C2orf76: variants seen among roughly 807,000 people sequenced by gnomAD.
The protein encoded by C2orf76 is UPF0538 protein C2orf76.
A neutral mutation model predicts 16.9 loss-of-function variants in C2orf76; 23 were observed. That is an observed-to-expected ratio of 1.36 (90% CI 0.98 to 1.93). C2orf76 has a LOEUF of 1.93. C2orf76 is among the 30% of genes most tolerant of loss of function. The pLI, the probability that C2orf76 is intolerant of heterozygous loss-of-function variation, is 0.00. For missense variants in C2orf76, 152 were observed against 152.6 expected (o/e 1.00, Z 0.02); for synonymous variants, 48 against 52.3 (o/e 0.92, Z 0.35).
intron 1 of C2orf76, among the ~76,000 whole-genome samples, chr2:119,346,930 G>C (rs1195592938): frequency 6.6e-6 from 1 of 152,182 alleles, no homozygotes; most frequent in African/African-American, 2.4e-5. Context: ...AGTGGATGAA[G>C]GGAAATGGGA....
chr2:119,333,298 C>T (rs1679735425), intron 2 of C2orf76, among the ~76,000 whole-genome samples: 1 of 152,136 alleles, frequency 6.6e-6, no homozygotes, highest in Admixed American at 6.5e-5. Context: ...TTAGAAAAAT[C>T]ACAATTTTTC....
At chr2:119,346,164 A>C (rs1680196105) in intron 1 of C2orf76, among the ~76,000 whole-genome samples, 1 of 152,108 alleles carries the variant, frequency 6.6e-6, no homozygotes, top group Non-Finnish European at 1.5e-5. Flanking sequence ...GTGAGGGTGG[A>C]GAAATTCACA....
chr2:119,319,668 G>T (rs1351480166), intron 3 of C2orf76, among the ~76,000 whole-genome samples: 1 of 152,116 alleles, frequency 6.6e-6, no homozygotes, highest in Non-Finnish European at 1.5e-5. Flanking sequence ...ATCAATAATA[G>T]ATGTGGATGC....
chr2:119,350,987 AC>A (rs963071186), intron 1 of C2orf76, among the ~76,000 whole-genome samples: 7 of 152,198 alleles, frequency 4.6e-5, no homozygotes, highest in African/African-American at 1.2e-4. Context: ...TCAAAAAAAA[AC>A]ATCACTACAG....
chr2:119,295,219 A>G, the C2orf76 span, among the ~76,000 whole-genome samples: 9 of 152,106 alleles, frequency 5.9e-5, no homozygotes, highest in African/African-American at 1.7e-4. Flanking sequence ...TCTATCCTGA[A>G]TTACGAGAGA....
chr2:119,329,062 T>C (rs549188836), intron 2 of C2orf76, among the ~76,000 whole-genome samples: 5 of 152,336 alleles, frequency 3.3e-5, no homozygotes, highest in Admixed American at 1.3e-4. Context: ...AATTCCACTA[T>C]TGTTGGAAGC....
intron 5 of C2orf76, among the ~76,000 whole-genome samples, chr2:119,310,515 T>TA (rs1390416253): frequency 6.6e-6 from 1 of 152,134 alleles, no homozygotes; most frequent in Non-Finnish European, 1.5e-5. Flanking sequence ...AAATTCCTGA[T>TA]ACAAGTGATT....
chr2:119,337,367 G>A (rs932703233), intron 2 of C2orf76, among the ~76,000 whole-genome samples: 2 of 152,018 alleles, frequency 1.3e-5, no homozygotes, highest in Non-Finnish European at 2.9e-5. Flanking sequence ...CACTGCAGGT[G>A]GCCAGGCAAG....
chr2:119,336,790 C>G (rs1679859887), intron 2 of C2orf76, among the ~76,000 whole-genome samples: 1 of 152,144 alleles, frequency 6.6e-6, no homozygotes, highest in South Asian at 2.1e-4. Flanking sequence ...ATTCCCTATG[C>G]CACTATGTCA....
chr2:119,342,357 T>C (rs1031436887), intron 1 of C2orf76, among the ~76,000 whole-genome samples: 3 of 152,142 alleles, frequency 2.0e-5, no homozygotes, highest in Non-Finnish European at 4.4e-5. Context: ...ACCCCTGTAA[T>C]ACCTGCACTT....
chr2:119,364,534 CATTCAACAACT>C (rs1473918174), intron 1 of C2orf76, among the ~76,000 whole-genome samples: 3 of 152,176 alleles, frequency 2.0e-5, no homozygotes, highest in Non-Finnish European at 4.4e-5. Flanking sequence ...ACACTTTATT[CATTCAACAACT>C]ATTTGTTGAG....
chr2:119,356,764 GA>G (rs200254103), intron 1 of C2orf76, among the ~76,000 whole-genome samples: 14 of 145,548 alleles, frequency 9.6e-5, no homozygotes, highest in African/African-American at 2.5e-4. Flanking sequence ...ACCAGCTAGG[GA>G]AAAAAAAAAG....
chr2:119,342,348 C>A lies in C2orf76; in HGVS notation c.-12-2377G>T, dbSNP rs190467213. Among the ~76,000 whole-genome samples, 612 of 152,186 alleles carry A rather than the reference C, an allele frequency of 4.0e-3. 7 individuals carry two copies. The highest frequency in any genetic ancestry group is 0.014 in the Middle Eastern group (4 of 294). The stretch of plus-strand genomic sequence containing the variant: ...ACAATTGGCCAGGCGCGGTGGCTCA[C>A]CCCTGTAATACCTGCACTTTGGGAG... On this transcript the variant is annotated intron_variant, in intron 1 of 5. Coordinates refer to ENST00000334816, the MANE Select transcript of C2orf76 (RefSeq NM_001322331.2).
At chr2:119,289,753 C>T in the C2orf76 span, among the ~76,000 whole-genome samples, 1 of 151,658 alleles carries the variant, frequency 6.6e-6, no homozygotes, top group East Asian at 1.9e-4. Flanking sequence ...CCAAGGGGGT[C>T]CACAGAGCTA....
At chr2:119,293,983 C>T in the C2orf76 span, among the ~76,000 whole-genome samples, 8 of 152,098 alleles carry the variant, frequency 5.3e-5, no homozygotes, top group Non-Finnish European at 7.4e-5. Context: ...GGGACTCCAG[C>T]GGGCAGCTGG....
At chr2:119,294,515 T>C in the C2orf76 span, among the ~76,000 whole-genome samples, 1 of 151,920 alleles carries the variant, frequency 6.6e-6, no homozygotes, top group Non-Finnish European at 1.5e-5. Context: ...TCATTGGTGT[T>C]CCAGAGGTGG....
At chr2:119,287,538 A>G in the C2orf76 span, among the ~76,000 whole-genome samples, 1 of 151,966 alleles carries the variant, frequency 6.6e-6, no homozygotes, top group Non-Finnish European at 1.5e-5. Flanking sequence ...TTAATAAGAC[A>G]TCACATATAC....
chr2:119,288,588 A>G, the C2orf76 span, among the ~76,000 whole-genome samples: 1 of 152,056 alleles, frequency 6.6e-6, no homozygotes, highest in Non-Finnish European at 1.5e-5. Context: ...AGACCCAGAG[A>G]GAGGACATCG....
intron 1 of C2orf76, among the ~76,000 whole-genome samples, chr2:119,358,183 C>A (rs1165168092): frequency 2.6e-5 from 4 of 152,112 alleles, no homozygotes; most frequent in African/African-American, 9.7e-5. Context: ...TGTCAAAAGC[C>A]AAGATAGGTT....
Sources: gnomAD v4.1 joint callset for allele counts (sites outside exome capture counted in the v4.1 genomes callset) on GRCh38, gnomAD v4.1.1 for gene constraint, MANE v1.5 for transcripts, NCBI Gene and HGNC (gene_info 2026-07-23, HGNC 2026-07-21) for gene names.